Variants in SORCS2 observed in about 807,000 individuals in gnomAD.
SORCS2 encodes the protein sortilin related VPS10 domain containing receptor 2.
SORCS2 carries 100 observed loss-of-function variants against 141.6 expected under a neutral mutation model. The ratio of observed to expected loss-of-function variants is 0.71; its 90% CI spans 0.60 to 0.83. The LOEUF (loss-of-function observed/expected upper bound fraction) is 0.83, where lower values mean the gene tolerates loss of function less well. SORCS2 is among the 40% of genes least tolerant of loss of function. The probability of loss-of-function intolerance (pLI) is 0.00; values close to 1 mark genes in which losing one functional copy is unlikely to be tolerated. For missense variants in SORCS2, 1,646 were observed against 1,560.2 expected (o/e 1.05, Z -0.93); for synonymous variants, 789 against 676.9 (o/e 1.17, Z -2.57).
chr4:7,692,174 G>A (rs565518895), intron 11 of SORCS2, among the ~76,000 whole-genome samples: 14 of 152,330 alleles, frequency 9.2e-5, no homozygotes, highest in Admixed American at 5.2e-4. Flanking sequence ...AGGAAAAGGC[G>A]CGTGGGCTGG....
At position 7,266,971 on chromosome 4, in the gene SORCS2, G is replaced by A. The variant is rs1370206354; in HGVS notation, c.480+73845G>A. Among the ~76,000 whole-genome samples the A allele has an allele frequency of 2.6e-5, 4 of 152,156 alleles. No homozygotes were observed. The South Asian group carries it at 6.2e-4, about 24-fold the overall frequency. On this transcript the variant is annotated intron_variant, in intron 1 of 26. Transcript: ENST00000507866. ...TTTGGGCAGTCTGGAAGAATCAGTG[G>A]GGGGTGGGGGAGGTGTGGCAGGGGA...
intron 3 of SORCS2, among the ~76,000 whole-genome samples, chr4:7,602,914 C>T (rs574719635): frequency 5.3e-4 from 80 of 152,344 alleles, no homozygotes; most frequent in Middle Eastern, 3.4e-3. Flanking sequence ...CCCGGCACCT[C>T]GGGAGGCCGA....
chr4:7,522,652 C>G (rs960293821), intron 2 of SORCS2, among the ~76,000 whole-genome samples: 10 of 147,306 alleles, frequency 6.8e-5, no homozygotes, highest in Admixed American at 3.4e-4. Context: ...CTCCTTTTCT[C>G]CCTCCTTCTT....
rs575068316 is a variant in SORCS2, at chr4:7,627,449, G to A, written c.649-10879G>A. On this transcript the variant is annotated intron_variant, in intron 3 of 26. Coordinates refer to ENST00000507866, the MANE Select transcript of SORCS2 (RefSeq NM_020777.3). ...GCCTCCCAACATGTTTCTCAGAATTGTGCATGAACTCCCATGCCATGGGGG... is the reference window on the plus strand; with the variant it reads ...GCCTCCCAACATGTTTCTCAGAATTATGCATGAACTCCCATGCCATGGGGG... Among the ~76,000 whole-genome samples, 6 of 152,276 alleles carry A rather than the reference G, an allele frequency of 3.9e-5. No homozygotes were observed. In the South Asian group the frequency reaches 1.2e-3, roughly 32 times the overall value.
At chr4:7,680,585 G>A (rs1723462997) in intron 9 of SORCS2, among the ~76,000 whole-genome samples, 1 of 152,268 alleles carries the variant, frequency 6.6e-6, no homozygotes, top group Non-Finnish European at 1.5e-5. Flanking sequence ...TTCTTCTGCA[G>A]AGAGGAAGGC....
At chr4:7,705,139 A>G (rs1266403584) in intron 14 of SORCS2, among the ~76,000 whole-genome samples, 1 of 152,190 alleles carries the variant, frequency 6.6e-6, no homozygotes, top group African/African-American at 2.4e-5. Context: ...CTGTGTCCTT[A>G]CAAGAGGACA....
intron 1 of SORCS2, among the ~76,000 whole-genome samples, chr4:7,226,817 AC>A (rs1042580614): frequency 4.1e-4 from 62 of 152,216 alleles, no homozygotes; most frequent in African/African-American, 1.4e-3. Flanking sequence ...ATCTTCAAGC[AC>A]CGCCGGGAAG....
chr4:7,463,521 C>G (rs186528579), intron 2 of SORCS2, among the ~76,000 whole-genome samples: 1 of 152,124 alleles, frequency 6.6e-6, no homozygotes, highest in Non-Finnish European at 1.5e-5. Flanking sequence ...CAGAAGCTCT[C>G]GACTCCAGGG....
chr4:7,738,506 C>T (rs1028666604), intron 26 of SORCS2, among the ~76,000 whole-genome samples: 3 of 152,280 alleles, frequency 2.0e-5, no homozygotes, highest in African/African-American at 7.2e-5. Context: ...TCTTAATCCC[C>T]ATCTGGGCCT....
At chr4:7,537,472 A>G (rs1712224561) in intron 3 of SORCS2, among the ~76,000 whole-genome samples, 1 of 152,178 alleles carries the variant, frequency 6.6e-6, no homozygotes, top group Non-Finnish European at 1.5e-5. Flanking sequence ...TTCAGCAGAA[A>G]TGGGGGTGAG....
chr4:7,723,966 C>T (rs2285778), intron 19 of SORCS2, 83 bp downstream of exon 19: 455,576 of 1,438,276 alleles, frequency 0.32, 78,106 homozygotes, highest in African/African-American at 0.57. Context: ...AGGGAAGCCC[C>T]CGGGATTGCT....
intron 1 of SORCS2, among the ~76,000 whole-genome samples, chr4:7,331,075 T>A (rs1719626412): frequency 6.7e-6 from 1 of 148,924 alleles, no homozygotes. Context: ...CTGCGCTTGG[T>A]GTGCTCCAGG....
At chr4:7,631,047 C>CTTTT (rs11356756) in intron 3 of SORCS2, among the ~76,000 whole-genome samples, 23 of 131,394 alleles carry the variant, frequency 1.8e-4, no homozygotes, top group African/African-American at 6.5e-4. Flanking sequence ...TTTTCCTTTT[C>CTTTT]TTTTTTTTTT....
At chr4:7,287,242 G>T (rs1164402520) in intron 1 of SORCS2, among the ~76,000 whole-genome samples, 3 of 152,208 alleles carry the variant, frequency 2.0e-5, no homozygotes, top group African/African-American at 7.2e-5. Flanking sequence ...AGAAGAGAAG[G>T]CTCTGGGTGC....
chr4:7,509,409 C>A, intron 2 of SORCS2, among the ~76,000 whole-genome samples: 1 of 152,296 alleles, frequency 6.6e-6, no homozygotes, highest in Non-Finnish European at 1.5e-5. Context: ...ATAGGGGCCA[C>A]TTGTAAGTGC....
At chr4:7,280,600 T>G (rs574935421) in intron 1 of SORCS2, among the ~76,000 whole-genome samples, 1 of 152,240 alleles carries the variant, frequency 6.6e-6, no homozygotes, top group Non-Finnish European at 1.5e-5. Context: ...GTGGTAAGAA[T>G]ATACGTAGCT....
chr4:7,535,648 C>T (rs899939867), intron 3 of SORCS2, among the ~76,000 whole-genome samples: 1 of 152,226 alleles, frequency 6.6e-6, no homozygotes, highest in Non-Finnish European at 1.5e-5. Flanking sequence ...CACCGTTATC[C>T]TTAGAGGGAA....
At chr4:7,279,267 ACAT>A (rs1715708414) in intron 1 of SORCS2, among the ~76,000 whole-genome samples, 1 of 152,220 alleles carries the variant, frequency 6.6e-6, no homozygotes, top group Admixed American at 6.5e-5. Context: ...AAAAGGAAAA[ACAT>A]CAGATGGAGC....
At chr4:7,255,297 G>A (rs1463336416) in intron 1 of SORCS2, among the ~76,000 whole-genome samples, 2 of 152,094 alleles carry the variant, frequency 1.3e-5, no homozygotes, top group East Asian at 3.9e-4. Flanking sequence ...GCTTCCTGGA[G>A]GAGGCGGCTT....
Sources: gnomAD v4.1 joint callset for allele counts (sites outside exome capture counted in the v4.1 genomes callset) on GRCh38, gnomAD v4.1.1 for gene constraint, MANE v1.5 for transcripts, NCBI Gene and HGNC (gene_info 2026-07-23, HGNC 2026-07-21) for gene names.